MMD: variants seen among roughly 807,000 people sequenced by gnomAD.
The protein encoded by MMD is monocyte to macrophage differentiation associated.
MMD carries 22 observed loss-of-function variants against 33.6 expected under a neutral mutation model. The ratio of observed to expected loss-of-function variants is 0.66; its 90% CI spans 0.47 to 0.94. MMD has a LOEUF of 0.94. Among genes scored for constraint, MMD ranks in the 40% least tolerant of loss-of-function variants. The pLI, the probability that MMD is intolerant of heterozygous loss-of-function variation, is 0.00. For synonymous variants in MMD, 97 were observed against 103.2 expected (o/e 0.94, Z 0.36); for missense variants, 242 against 309.8 (o/e 0.78, Z 1.64).
rs1280718340 is a variant in MMD at position 55,403,752 on chromosome 17, A to G, written c.446+15T>C. On this transcript the variant is annotated intron_variant, in intron 5 of 6. Coordinates refer to ENST00000262065, the MANE Select transcript of MMD (RefSeq NM_012329.3). ...TCAATTTTAAAACTATCAAATGTAA[A>G]TTATTTTCTCTTACTTTTCATGGTA... The G allele has an allele frequency of 1.3e-6, 2 of 1,585,498 alleles. No individual in the cohort carries two copies. The highest frequency in any genetic ancestry group is 1.4e-5 in the African/African-American group (1 of 73,800).
At chr17:55,398,626 T>C (rs1907213443) in intron 6 of MMD, among the ~76,000 whole-genome samples, 1 of 152,186 alleles carries the variant, frequency 6.6e-6, no homozygotes, top group Non-Finnish European at 1.5e-5. Flanking sequence ...AAAGATTCTG[T>C]TGTATTCCTT....
intron 1 of MMD, among the ~76,000 whole-genome samples, chr17:55,417,556 C>T (rs1216398360): frequency 6.6e-6 from 1 of 152,028 alleles, no homozygotes; most frequent in Non-Finnish European, 1.5e-5. Context: ...TTTTGGGGAG[C>T]TGAGGCGGGA....
rs760283497 is a variant in MMD, at chr17:55,401,484, C to T, written c.501G>A (p.Leu167=). The T allele has an allele frequency of 6.2e-6, 10 of 1,610,238 alleles. No homozygotes were observed. The highest frequency in any genetic ancestry group is 8.5e-6 in the Non-Finnish European group (10 of 1,178,546). ...CATGTCTTACCATTGATGTCACCAC[C>T]AAGGCTGGAGAGAATCCCATTGTGA... is the stretch of plus-strand genomic sequence containing the variant. ...FYLTMGFSPA[L]VVTSMNNTDG... Residue 167 remains leucine (L), a synonymous_variant, in exon 6 of 7, where the codon TTG becomes TTA. Transcript: ENST00000262065.
intron 1 of MMD, among the ~76,000 whole-genome samples, chr17:55,419,151 T>C (rs1340418256): frequency 6.6e-6 from 1 of 152,248 alleles, no homozygotes; most frequent in Admixed American, 6.5e-5. Flanking sequence ...TTCTATTAAA[T>C]GGGTATAACA....
rs781487848 is a variant in MMD at position 55,401,535 on chromosome 17, A to G, written c.450T>C (p.Tyr150=). Residue 150 remains tyrosine (Y), a synonymous_variant, in exon 6 of 7, where the codon TAT becomes TAC. Coordinates refer to ENST00000262065, the MANE Select transcript of MMD (RefSeq NM_012329.3). The part of the protein sequence containing the change: ...TIYVFLYHEK[Y]KVVELFFYLT... ...GATAGAAAAAGAGTTCAACCACCTT[A>G]TATCTGCAGGAACAAAAATGCAGTT... 1.4e-5 allele frequency: 23 copies of G among 1,608,194 alleles called. No individual in the cohort carries two copies. The highest frequency in any genetic ancestry group is 1.9e-5 in the Non-Finnish European group (22 of 1,177,756).
chr17:55,392,963 G>C lies in MMD; in HGVS notation c.*1371C>G, dbSNP rs938962891. 1 of 151,922 alleles carries C rather than the reference G, an allele frequency of 6.6e-6. No homozygotes were observed. The highest frequency in any genetic ancestry group is 1.5e-5 in the Non-Finnish European group (1 of 67,988). The allele number at this position is 151,922 out of a possible 1,614,324, so 9.4% of individuals were successfully genotyped here. On this transcript the variant is annotated 3_prime_UTR_variant, in exon 7 of 7. Transcript: ENST00000262065. ...ATCAGTAAAAAATTTCAATTAATAAGGTTATCATCAAACCAAGAATTCCAC... is the reference window on the plus strand; with the variant it reads ...ATCAGTAAAAAATTTCAATTAATAACGTTATCATCAAACCAAGAATTCCAC...
At chr17:55,395,952 C>T (rs1039992081) in intron 6 of MMD, among the ~76,000 whole-genome samples, 4 of 152,212 alleles carry the variant, frequency 2.6e-5, no homozygotes, top group African/African-American at 4.8e-5. Flanking sequence ...TCTAACACAA[C>T]CCCCTTATTG....
chr17:55,414,117 G>C lies in MMD; in HGVS notation c.108+34C>G, dbSNP rs773304579. On this transcript the variant is annotated intron_variant, in intron 2 of 6. Transcript: ENST00000262065. ...CCCTTCCTCCCACCAAAGCCCCGTGGAAAGGATGGCAATGGTGGAAAACTT... is the reference window on the plus strand; with the variant it reads ...CCCTTCCTCCCACCAAAGCCCCGTGCAAAGGATGGCAATGGTGGAAAACTT... 1.9e-6 allele frequency: 3 copies of C among 1,598,986 alleles called. No homozygotes were observed. In the African/African-American group the frequency reaches 4.0e-5, roughly 21 times the overall value.
chr17:55,394,594 G>T, intron 6 of MMD, 60 bp from the exon 7 acceptor site: 1 of 1,282,978 alleles, frequency 7.8e-7, no homozygotes, highest in South Asian at 2.3e-5. Context: ...GCAAGCTACA[G>T]ATAACTGTAA....
intron 6 of MMD, among the ~76,000 whole-genome samples, chr17:55,398,581 A>G (rs999342437): frequency 5.9e-5 from 9 of 152,136 alleles, no homozygotes; most frequent in African/African-American, 2.2e-4. Context: ...ATTTCTGATA[A>G]TATTTACTTA....
In MMD at chr17:55,394,292, A is replaced by G; in HGVS notation, c.*42T>C. 2.3e-6 allele frequency: 3 copies of G among 1,300,792 alleles called. No homozygotes were observed. Among genetic ancestry groups the G allele is most frequent in the Non-Finnish European group, 3.0e-6 (3 of 1,007,902 alleles). The allele number at this position is 1,300,792 out of a possible 1,614,324, so 80.6% of individuals were successfully genotyped here. Reference sequence around the variant, plus strand: ...AGCTCTCACCCCACTCCCAAGTGCCATAATTGAAATAATACTGGTTTGGAG... The same window carrying G: ...AGCTCTCACCCCACTCCCAAGTGCCGTAATTGAAATAATACTGGTTTGGAG... On this transcript the variant is annotated 3_prime_UTR_variant, in exon 7 of 7. Coordinates refer to ENST00000262065, the MANE Select transcript of MMD (RefSeq NM_012329.3).
intron 2 of MMD, among the ~76,000 whole-genome samples, chr17:55,412,994 A>C (rs1458065123): frequency 6.6e-6 from 1 of 152,190 alleles, no homozygotes; most frequent in African/African-American, 2.4e-5. Context: ...CAAAAATTCA[A>C]GATACGGTTT....
intron 3 of MMD, among the ~76,000 whole-genome samples, chr17:55,408,275 C>A: frequency 6.6e-6 from 1 of 152,158 alleles, no homozygotes; most frequent in South Asian, 2.1e-4. Context: ...AAATCACATT[C>A]TTTGTGTCTT....
intron 1 of MMD, among the ~76,000 whole-genome samples, chr17:55,417,251 C>T (rs1338037153): frequency 6.6e-6 from 1 of 152,054 alleles, no homozygotes; most frequent in African/African-American, 2.4e-5. Flanking sequence ...CAAATAAGTC[C>T]ACCTCATCAC....
In MMD at chr17:55,411,319, G is replaced by A. The variant is rs2143148474; in HGVS notation, c.207C>T (p.Leu69=). 1.2e-6 allele frequency: 2 copies of A among 1,614,124 alleles called. No individual in the cohort carries two copies. The highest frequency in any genetic ancestry group is 2.2e-5 in the East Asian group (1 of 44,884). Residue 69 remains leucine, a synonymous_variant, in exon 3 of 7, where the codon CTC becomes CTT. Coordinates refer to ENST00000262065, the MANE Select transcript of MMD (RefSeq NM_012329.3). The stretch of plus-strand genomic sequence containing the variant: ...CTGTAGAAACGATGAAGAGGGCACA[G>A]AGTCCCATTCCATAAATCCATGCTG... The part of the protein sequence containing the change: ...KITAWIYGMG[L]CALFIVSTVF...
At chr17:55,406,592 C>T (rs977498378) in intron 4 of MMD, among the ~76,000 whole-genome samples, 1 of 150,598 alleles carries the variant, frequency 6.6e-6, no homozygotes, top group African/African-American at 2.4e-5. Context: ...AACAAACAAA[C>T]AAAAATGGCC....
At position 55,397,299 on chromosome 17, in the gene MMD, C is replaced by T. The variant is rs1386106930; in HGVS notation, c.517-2765G>A. 5.9e-5 allele frequency among the ~76,000 whole-genome samples: 9 copies of T among 151,802 alleles called. No individual in the cohort carries two copies. In the East Asian group the frequency reaches 1.8e-3, roughly 30 times the overall value. On this transcript the variant is annotated intron_variant, in intron 6 of 6. Transcript: ENST00000262065. ...GCCTCAGCCTCCCAAGTAGCTGGGA[C>T]TACAGGTGCCCACCACCACGCCCAG... is the stretch of plus-strand genomic sequence containing the variant.
Position 55,401,555 on chromosome 17 carries a change from G to A in MMD, c.447-17C>T, listed in dbSNP as rs1450814965. 3 of 1,589,622 alleles carry A rather than the reference G, an allele frequency of 1.9e-6. No individual in the cohort carries two copies. In the Admixed American group the frequency reaches 5.4e-5, roughly 28 times the overall value. ...ACCTTATATCTGCAGGAACAAAAAT[G>A]CAGTTAATTTAACTTATAAATTTCT... On this transcript the variant is annotated splice_polypyrimidine_tract_variant and intron_variant, in intron 5 of 6. Coordinates refer to ENST00000262065, the MANE Select transcript of MMD (RefSeq NM_012329.3).
At chr17:55,421,568 A>T (rs962795702) in intron 1 of MMD, 102 bp downstream of exon 1, 27 of 1,497,922 alleles carry the variant, frequency 1.8e-5, no homozygotes, top group Non-Finnish European at 5.5e-6. Flanking sequence ...GGATCCACCC[A>T]GGATGAATCC....
Sources: gnomAD v4.1 joint callset for allele counts (sites outside exome capture counted in the v4.1 genomes callset) on GRCh38, gnomAD v4.1.1 for gene constraint, MANE v1.5 for transcripts, NCBI Gene and HGNC (gene_info 2026-07-23, HGNC 2026-07-21) for gene names.